Variants in TLL1 observed in about 807,000 individuals in gnomAD.
TLL1 encodes the protein tolloid-like protein 1.
Under a neutral mutation model 128.2 loss-of-function variants are expected in TLL1, and 49 were observed. The observed-to-expected ratio is 0.38, with a 90% confidence interval of 0.30 to 0.48. The LOEUF is 0.48. Among genes scored for constraint, TLL1 ranks in the 20% least tolerant of loss-of-function variants. The probability of loss-of-function intolerance (pLI) is 0.96; values close to 1 mark genes in which losing one functional copy is unlikely to be tolerated. For synonymous variants in TLL1, 454 were observed against 418.8 expected (o/e 1.08, Z -1.03); for missense variants, 1,123 against 1,242.0 (o/e 0.90, Z 1.44).
chr4:166,047,227 C>T lies in TLL1; in HGVS notation c.1524+3808C>T, dbSNP rs548564813. On this transcript the variant is annotated intron_variant, in intron 12 of 20. Coordinates refer to ENST00000061240, the MANE Select transcript of TLL1 (RefSeq NM_012464.5). ...TCGCCCAGACTGCAAGGCAGTGGCGCGATCTCGGTTCACTGCAACCTCCAC... is the reference window on the plus strand; with the variant it reads ...TCGCCCAGACTGCAAGGCAGTGGCGTGATCTCGGTTCACTGCAACCTCCAC... Among the ~76,000 whole-genome samples the T allele has an allele frequency of 7.3e-5, 11 of 151,446 alleles. No individual in the cohort carries two copies. In the South Asian group the frequency reaches 8.3e-4, roughly 11 times the overall value.
At chr4:166,042,538 G>A (rs1206559033) in intron 11 of TLL1, among the ~76,000 whole-genome samples, 2 of 152,320 alleles carry the variant, frequency 1.3e-5, no homozygotes, top group African/African-American at 2.4e-5. Flanking sequence ...GAAAGTAATT[G>A]TGCCGATTTC....
intron 19 of TLL1, among the ~76,000 whole-genome samples, chr4:166,093,627 T>G (rs1383172711): frequency 6.6e-6 from 1 of 152,130 alleles, no homozygotes. Context: ...CTAATCCACC[T>G]CAGCACAGAC....
intron 1 of TLL1, among the ~76,000 whole-genome samples, chr4:165,883,059 A>G (rs372956516): frequency 1.3e-5 from 2 of 152,160 alleles, no homozygotes; most frequent in Non-Finnish European, 2.9e-5. Context: ...TTGTTCCAGG[A>G]TGAAAATAGT....
intron 19 of TLL1, among the ~76,000 whole-genome samples, chr4:166,091,920 A>C (rs144795448): frequency 1.9e-4 from 29 of 152,222 alleles, no homozygotes; most frequent in African/African-American, 7.0e-4. Context: ...AATAGAATTT[A>C]ATTTAGAAAA....
rs146596931 is a variant in TLL1 at position 165,953,540 on chromosome 4, C to T, written c.170-35841C>T. On this transcript the variant is annotated intron_variant, in intron 1 of 20. Transcript: ENST00000061240. ...TGCTTTCCATTTGCAGAGATGTTAACTGCAGTGGTATTTCTTTTTCATTTA... is the reference window on the plus strand; with the variant it reads ...TGCTTTCCATTTGCAGAGATGTTAATTGCAGTGGTATTTCTTTTTCATTTA... Among the ~76,000 whole-genome samples, 8 of 143,346 alleles carry T rather than the reference C, an allele frequency of 5.6e-5. No individual in the cohort carries two copies. In the East Asian group the frequency reaches 1.4e-3, roughly 26 times the overall value. 94.0% of individuals were successfully genotyped at this position (143,346 alleles called of 152,430 possible). A position where few individuals can be genotyped will look rare whatever the true frequency, so the allele number is the denominator to read the frequency against.
At chr4:166,051,729 A>T (rs1397219440) in intron 12 of TLL1, among the ~76,000 whole-genome samples, 1 of 152,188 alleles carries the variant, frequency 6.6e-6, no homozygotes, top group African/African-American at 2.4e-5. Context: ...GATATCTAGA[A>T]TTGTTGTTGT....
At chr4:166,092,915 A>G (rs1732678810) in intron 19 of TLL1, among the ~76,000 whole-genome samples, 2 of 152,190 alleles carry the variant, frequency 1.3e-5, no homozygotes, top group African/African-American at 4.8e-5. Context: ...TCTCATCTGT[A>G]AAATAATACT....
intron 1 of TLL1, among the ~76,000 whole-genome samples, chr4:165,925,210 T>C (rs576521462): frequency 2.6e-5 from 4 of 152,336 alleles, no homozygotes; most frequent in South Asian, 4.1e-4. Flanking sequence ...TTGCCATAAA[T>C]AGTGATTCCT....
chr4:166,045,560 C>T (rs1473987960), intron 12 of TLL1, among the ~76,000 whole-genome samples: 5 of 152,084 alleles, frequency 3.3e-5, no homozygotes, highest in South Asian at 4.1e-4. Flanking sequence ...CTGCATATCC[C>T]GTTCTTCACC....
intron 1 of TLL1, among the ~76,000 whole-genome samples, chr4:165,924,410 G>A (rs1370303371): frequency 6.6e-6 from 1 of 152,154 alleles, no homozygotes; most frequent in Non-Finnish European, 1.5e-5. Flanking sequence ...AAGTGGTCTG[G>A]ATAGATCAGT....
intron 12 of TLL1, chr4:166,044,247 C>CA: frequency 1.4e-6 from 1 of 735,738 alleles, no homozygotes; most frequent in Non-Finnish European, 2.2e-6. Context: ...AAGACTAATT[C>CA]ACTAAGTGAT....
At chr4:166,002,115 G>A (rs1043369000) in intron 5 of TLL1, among the ~76,000 whole-genome samples, 3 of 152,200 alleles carry the variant, frequency 2.0e-5, no homozygotes, top group Non-Finnish European at 2.9e-5. Flanking sequence ...CTGGAGACGC[G>A]GCACTGCAGA....
intron 1 of TLL1, among the ~76,000 whole-genome samples, chr4:165,911,184 C>T (rs548043176): frequency 6.6e-6 from 1 of 152,202 alleles, no homozygotes; most frequent in East Asian, 1.9e-4. Flanking sequence ...TCTATTCATC[C>T]CTCTCACACC....
At chr4:165,994,996 G>C in intron 4 of TLL1, 65 bp from the exon 5 acceptor site, 1 of 1,306,112 alleles carries the variant, frequency 7.7e-7, no homozygotes, top group East Asian at 2.3e-5. Flanking sequence ...TAGGGTAGAG[G>C]ATGCAGCAAG....
intron 1 of TLL1, among the ~76,000 whole-genome samples, chr4:165,974,144 T>TTTTC: frequency 8.9e-6 from 1 of 112,654 alleles, no homozygotes; most frequent in Non-Finnish European, 1.7e-5. Context: ...TTTTTTTTTT[T>TTTTC]TTTTTTTTTT....
intron 1 of TLL1, among the ~76,000 whole-genome samples, chr4:165,890,550 C>G (rs146562999): frequency 9.2e-4 from 140 of 152,346 alleles, no homozygotes; most frequent in African/African-American, 3.3e-3. Context: ...ACGCCCCATG[C>G]AACTCTGGAA....
At chr4:166,059,379 G>A (rs2111116587) in intron 14 of TLL1, among the ~76,000 whole-genome samples, 1 of 152,196 alleles carries the variant, frequency 6.6e-6, no homozygotes, top group African/African-American at 2.4e-5. Flanking sequence ...ATAAGGAAGA[G>A]ATGAAATTTA....
At position 166,099,318 on chromosome 4, in the gene TLL1, C is replaced by T. The variant is rs748528684; in HGVS notation, c.2698C>T (p.Leu900=). The T allele has an allele frequency of 2.5e-6, 4 of 1,613,556 alleles. No individual in the cohort carries two copies. The highest frequency in any genetic ancestry group is 4.5e-5 in the East Asian group (2 of 44,814). Reference sequence around the variant, plus strand: ...GAAAGCAGAATCAAAACCAAGAGATCTGTACTCACATGCTCAGTTTGGTGA... The same window carrying T: ...GAAAGCAGAATCAAAACCAAGAGATTTGTACTCACATGCTCAGTTTGGTGA... The part of the protein sequence containing the change: ...RLKAESKPRD[L]YSHAQFGDNN... Residue 900 remains leucine, a synonymous_variant, in exon 20 of 21, where the codon CTG becomes TTG. Transcript: ENST00000061240.
chr4:166,073,717 A>G (rs1425461248), intron 16 of TLL1, among the ~76,000 whole-genome samples: 1 of 152,172 alleles, frequency 6.6e-6, no homozygotes, highest in African/African-American at 2.4e-5. Flanking sequence ...AACAAAATAG[A>G]TGTACCTTTA....
Sources: allele counts gnomAD v4.1 joint callset (sites outside exome capture counted in the v4.1 genomes callset), GRCh38; gene constraint gnomAD v4.1.1; transcripts MANE v1.5; gene names NCBI Gene and HGNC (gene_info 2026-07-23, HGNC 2026-07-21).